Variants in BAHCC1 observed in about 807,000 individuals in gnomAD.
BAHCC1 encodes the protein BAH and coiled-coil domain-containing protein 1.
In BAHCC1, 43 loss-of-function variants were observed where a neutral mutation model predicts 88.2. The ratio of observed to expected loss-of-function variants is 0.49; its 90% CI spans 0.38 to 0.63. BAHCC1 has a LOEUF of 0.63. Ranked by LOEUF, BAHCC1 falls within the 20% of genes least tolerant of loss-of-function variation. The pLI is 0.00. For missense variants in BAHCC1, 3,023 were observed against 1,654.8 expected (o/e 1.83, Z -14.34); for synonymous variants, 1,510 against 745.5 (o/e 2.03, Z -16.71).
At chr17:81,454,728 C>T (rs1161110287) in intron 14 of BAHCC1, among the ~76,000 whole-genome samples, 4 of 152,308 alleles carry the variant, frequency 2.6e-5, no homozygotes, top group Admixed American at 6.5e-5. Context: ...CCTGCATAAG[C>T]CCTGCCCCAG....
At position 81,452,118 on chromosome 17, in the gene BAHCC1, C is replaced by A; in HGVS notation, c.4316+11C>A. ...CAAGCACGACCATGAGTACGCCTGG[C>A]GTGGCGGGGGGGCCTGGGAGGGTCG... On this transcript the variant is annotated intron_variant, in intron 13 of 27. Transcript: ENST00000675386. 1.6e-6 allele frequency: 1 copy of A among 612,656 alleles called. No individual in the cohort carries two copies. The highest frequency in any genetic ancestry group is 2.9e-6 in the Non-Finnish European group (1 of 348,298). 38.0% of individuals were successfully genotyped at this position (612,656 alleles called of 1,614,324 possible). A position where few individuals can be genotyped will look rare whatever the true frequency, so the allele number is the denominator to read the frequency against.
At chr17:81,460,254 A>C (rs782653952) in intron 23 of BAHCC1, 23 bp from the exon 24 acceptor site, 1 of 746,852 alleles carries the variant, frequency 1.3e-6, no homozygotes, top group South Asian at 1.4e-5. Flanking sequence ...TTCCAGCTGC[A>C]AGCTCAGGTG....
intron 3 of BAHCC1, among the ~76,000 whole-genome samples, chr17:81,429,509 C>T (rs1172875388): frequency 1.3e-5 from 2 of 152,182 alleles, no homozygotes; most frequent in African/African-American, 4.8e-5. Flanking sequence ...GCTGGCTGCC[C>T]GGGCAGCATG....
chr17:81,430,299 G>A (rs923804358), intron 3 of BAHCC1, among the ~76,000 whole-genome samples: 50 of 152,324 alleles, frequency 3.3e-4, no homozygotes, highest in African/African-American at 1.1e-3. Flanking sequence ...CAGCTGGGAA[G>A]GGGTGGGGGC....
intron 2 of BAHCC1, chr17:81,407,306 A>C (rs200653070): frequency 5.8e-6 from 3 of 518,416 alleles, no homozygotes; most frequent in South Asian, 2.8e-5. Context: ...GGGGTACCCC[A>C]CCAAAAAAGA....
At chr17:81,443,672 C>G in intron 5 of BAHCC1, 108 bp downstream of exon 5, 2 of 633,044 alleles carry the variant, frequency 3.2e-6, no homozygotes, top group Non-Finnish European at 5.7e-6. Flanking sequence ...CTTGGCAGAC[C>G]CTCCGAGGCC....
intron 2 of BAHCC1, chr17:81,415,677 C>A: frequency 2.4e-6 from 1 of 416,080 alleles, no homozygotes; most frequent in East Asian, 7.1e-5. Flanking sequence ...GACCTGAGTC[C>A]CCTCGGTGGG....
chr17:81,438,086 C>G (rs991549452), intron 3 of BAHCC1, among the ~76,000 whole-genome samples: 1 of 152,214 alleles, frequency 6.6e-6, no homozygotes, highest in Admixed American at 6.5e-5. Flanking sequence ...GGAGCTTCCG[C>G]GATCCTGAGT....
chr17:81,397,552 C>G (rs1383304665), intron 1 of BAHCC1, among the ~76,000 whole-genome samples: 1 of 152,150 alleles, frequency 6.6e-6, no homozygotes, highest in Non-Finnish European at 1.5e-5. Flanking sequence ...CCTCCCTTTC[C>G]TTCTTTCCCT....
chr17:81,443,460 G>T lies in BAHCC1; in HGVS notation c.2111G>T (p.Gly704Val). The change falls in exon 5 of 28, where the codon GGC (glycine) becomes GTC (valine). Residue 704 changes from glycine to valine, a missense_variant. Gly to Val is a moderately radical substitution (Grantham distance 109). Coordinates refer to ENST00000675386, the MANE Select transcript of BAHCC1 (RefSeq NM_001377448.1). ...GDGEVRQPPV[G>V]IAVALARQKD... ...GGGGAGGTGCGGCAGCCCCCTGTGGGCATTGCAGTGGCCTTGGCCCGGCAG... is the reference window on the plus strand; with the variant it reads ...GGGGAGGTGCGGCAGCCCCCTGTGGTCATTGCAGTGGCCTTGGCCCGGCAG... 1.4e-6 allele frequency: 1 copy of T among 733,846 alleles called. No homozygotes were observed. The allele number at this position is 733,846 out of a possible 1,614,324, so 45.5% of individuals were successfully genotyped here.
chr17:81,419,964 C>T (rs1555649425), intron 2 of BAHCC1, among the ~76,000 whole-genome samples: 1 of 152,174 alleles, frequency 6.6e-6, no homozygotes. Context: ...TCTGGTGCCA[C>T]AGGGCGGAGC....
At chr17:81,417,559 C>CCA (rs1568002300) in intron 2 of BAHCC1, among the ~76,000 whole-genome samples, 4 of 98,608 alleles carry the variant, frequency 4.1e-5, no homozygotes, top group African/African-American at 1.1e-4. Context: ...TCGGCCACCC[C>CCA]CCCCCCGCCC....
chr17:81,441,224 C>T (rs2064409279), intron 4 of BAHCC1, among the ~76,000 whole-genome samples: 1 of 152,176 alleles, frequency 6.6e-6, no homozygotes, highest in Non-Finnish European at 1.5e-5. Flanking sequence ...GGGGACAGAA[C>T]TGCGGTTCGG....
chr17:81,432,022 G>T (rs1364477119), intron 3 of BAHCC1, among the ~76,000 whole-genome samples: 1 of 152,136 alleles, frequency 6.6e-6, no homozygotes, highest in East Asian at 1.9e-4. Flanking sequence ...GGCAGGGGTC[G>T]TCACAGACCC....
chr17:81,425,278 G>C (rs1466777251), intron 2 of BAHCC1, among the ~76,000 whole-genome samples: 2 of 96,634 alleles, frequency 2.1e-5, no homozygotes, highest in African/African-American at 8.7e-5. Context: ...GGTGATAGTG[G>C]TGGGTGTGTA....
chr17:81,430,218 C>T (rs2064245074), intron 3 of BAHCC1, among the ~76,000 whole-genome samples: 1 of 152,134 alleles, frequency 6.6e-6, no homozygotes, highest in South Asian at 2.1e-4. Flanking sequence ...TCCCTCCCCA[C>T]CGCGCCCCCC....
At chr17:81,407,145 G>T (rs2143229799) in intron 2 of BAHCC1, among the ~76,000 whole-genome samples, 1 of 152,338 alleles carries the variant, frequency 6.6e-6, no homozygotes, top group East Asian at 1.9e-4. Context: ...AGGAACGGCA[G>T]AGCAGCCCCT....
intron 6 of BAHCC1, 142 bp downstream of exon 6, chr17:81,444,059 C>T: frequency 1.6e-6 from 1 of 620,050 alleles, no homozygotes; most frequent in South Asian, 1.9e-5. Flanking sequence ...TTCTCCCCAC[C>T]CCTAGAGCCT....
In BAHCC1 at chr17:81,410,856, C is replaced by T. The variant is rs1322415625; in HGVS notation, c.178+10939C>T. ...CGGGGCGGGGGTGGGGGCTCTCTGC[C>T]TGGGGTTGGGGGACAATGAAGCAGG... On this transcript the variant is annotated intron_variant, in intron 2 of 27. Transcript: ENST00000675386. Among the ~76,000 whole-genome samples the T allele has an allele frequency of 2.6e-5, 4 of 152,020 alleles. No homozygotes were observed. In the East Asian group the frequency reaches 7.7e-4, roughly 29 times the overall value.
Sources: allele counts gnomAD v4.1 joint callset (sites outside exome capture counted in the v4.1 genomes callset), GRCh38; gene constraint gnomAD v4.1.1; transcripts MANE v1.5; gene names NCBI Gene and HGNC (gene_info 2026-07-23, HGNC 2026-07-21).